KIRREL3: variants seen among roughly 807,000 people sequenced by gnomAD.
KIRREL3 encodes the protein kin of IRRE-like protein 3.
Under a neutral mutation model 89.7 loss-of-function variants are expected in KIRREL3, and 36 were observed. That is an observed-to-expected ratio of 0.40 (90% CI 0.31 to 0.53). The LOEUF is 0.53. Ranked by LOEUF, KIRREL3 falls within the 20% of genes least tolerant of loss-of-function variation. The pLI is 0.49. For synonymous variants in KIRREL3, 445 were observed against 441.4 expected (o/e 1.01, Z -0.10); for missense variants, 864 against 1,056.6 (o/e 0.82, Z 2.53).
At chr11:126,925,228 C>T (rs1330742249) in intron 1 of KIRREL3, among the ~76,000 whole-genome samples, 1 of 152,154 alleles carries the variant, frequency 6.6e-6, no homozygotes, top group Non-Finnish European at 1.5e-5. Flanking sequence ...AGGTTCCCTT[C>T]CCTTCCCCAG....
Position 126,429,205 on chromosome 11 carries a change from C to T in KIRREL3, c.1780G>A (p.Glu594Lys), listed in dbSNP as rs1315682626. 1.2e-6 allele frequency: 2 copies of T among 1,613,272 alleles called. No individual in the cohort carries two copies. Among genetic ancestry groups the T allele is most frequent in the Admixed American group, 3.3e-5 (2 of 60,016 alleles). The change falls in exon 15 of 17, where the codon GAG becomes AAG. Residue 594 changes from glutamate to lysine, a missense_variant. Transcript: ENST00000525144. The surrounding 1 kb of genome is among the most constrained non-coding windows in gnomAD (Gnocchi z 5.2). ...ATCAGCTGCTTGATGGTGGAGTGCT[C>T]CTCACCCTCCCGACCAGAGGCTGGT... Reference protein sequence around the residue: ...KEPASGREGEEHSTIKQLMMD... With the variant: ...KEPASGREGEKHSTIKQLMMD...
chr11:126,494,697 G>C (rs1273227066), intron 4 of KIRREL3, among the ~76,000 whole-genome samples: 2 of 152,330 alleles, frequency 1.3e-5, no homozygotes, highest in East Asian at 3.9e-4. Context: ...CCTGTCCTTG[G>C]TGGGGATAAA....
At position 126,819,405 on chromosome 11, in the gene KIRREL3, A is replaced by G. The variant is rs140916697; in HGVS notation, c.55+181050T>C. 9.5e-4 allele frequency among the ~76,000 whole-genome samples: 145 copies of G among 152,302 alleles called. 2 individuals are homozygous for G. Among genetic ancestry groups the G allele is most frequent in the Non-Finnish European group, 1.0e-3 (69 of 68,022 alleles). ...CTGCTTGTCAAGACAAAACAACATG[A>G]ATATTAATTTCTCAGGCATAATAAG... is the stretch of plus-strand genomic sequence containing the variant. On this transcript the variant is annotated intron_variant, in intron 1 of 16. Coordinates refer to ENST00000525144, the MANE Select transcript of KIRREL3 (RefSeq NM_032531.4).
Position 126,755,571 on chromosome 11 carries a change from A to G in KIRREL3, c.56-192659T>C, listed in dbSNP as rs1949465898. Reference sequence around the variant, plus strand: ...AAACAACAACAACAAAAGAAAAAACAGAAAAAAACAATAGGCCTACAATAG... The same window carrying G: ...AAACAACAACAACAAAAGAAAAAACGGAAAAAAACAATAGGCCTACAATAG... On this transcript the variant is annotated intron_variant, in intron 1 of 16. Coordinates refer to ENST00000525144, the MANE Select transcript of KIRREL3 (RefSeq NM_032531.4). The surrounding 1 kb of genome is among the most constrained non-coding windows in gnomAD (Gnocchi z 4.3). Among the ~76,000 whole-genome samples the G allele has an allele frequency of 6.6e-6, 1 of 152,190 alleles. No homozygotes were observed. The highest frequency in any genetic ancestry group is 2.4e-5 in the African/African-American group (1 of 41,436).
chr11:126,884,530 G>T (rs1342231234), intron 1 of KIRREL3, among the ~76,000 whole-genome samples: 4 of 152,206 alleles, frequency 2.6e-5, no homozygotes, highest in African/African-American at 9.7e-5. Flanking sequence ...AGCTAGGAGA[G>T]GTCTGAGGAA....
At position 126,446,737 on chromosome 11, in the gene KIRREL3, G is replaced by A. The variant is rs571490741; in HGVS notation, c.1125+22C>T. On this transcript the variant is annotated intron_variant, in intron 9 of 16. Transcript: ENST00000525144. ...CCCCGCCCCCTGCCAGAGGTGCCCC[G>A]AGGTCTGAGCTGCAGCCTCACCACT... The A allele has an allele frequency of 4.0e-5, 64 of 1,589,564 alleles. 1 individual carries two copies. The highest frequency in any genetic ancestry group is 2.6e-4 in the South Asian group (23 of 86,964).
At chr11:126,679,292 A>C (rs1368889914) in intron 1 of KIRREL3, among the ~76,000 whole-genome samples, 1 of 152,244 alleles carries the variant, frequency 6.6e-6, no homozygotes, top group African/African-American at 2.4e-5. Context: ...TTAAGCAAAC[A>C]ATATATAGCC....
chr11:126,436,725 G>T, intron 12 of KIRREL3, 86 bp downstream of exon 12: 2 of 1,445,572 alleles, frequency 1.4e-6, no homozygotes, highest in Non-Finnish European at 1.9e-6. Context: ...GGCCCACCTT[G>T]CAGCCACCCG....
rs1168606044 is a variant in KIRREL3, at chr11:126,484,437, T to C, written c.434-10971A>G. On this transcript the variant is annotated intron_variant, in intron 4 of 16. Coordinates refer to ENST00000525144, the MANE Select transcript of KIRREL3 (RefSeq NM_032531.4). This position sits in a 1 kb window ranked among gnomAD's most constrained non-coding sequence, Gnocchi z 5.2. ...ATATCCTTTAATCCTCACAGCTCTA[T>C]ATAAGGTAGATACAATGACGATGCA... Among the ~76,000 whole-genome samples the C allele has an allele frequency of 1.2e-4, 19 of 152,220 alleles. No individual in the cohort carries two copies. Among genetic ancestry groups the C allele is most frequent in the Admixed American group, 1.2e-3 (19 of 15,288 alleles).
At chr11:126,446,396 C>T (rs1955816550) in intron 9 of KIRREL3, among the ~76,000 whole-genome samples, 1 of 150,504 alleles carries the variant, frequency 6.6e-6, no homozygotes, top group Non-Finnish European at 1.5e-5. Flanking sequence ...GACTTAAACT[C>T]TTGAGCTCAT....
intron 4 of KIRREL3, among the ~76,000 whole-genome samples, chr11:126,502,108 GA>G (rs1957884217): frequency 6.6e-6 from 1 of 152,168 alleles, no homozygotes; most frequent in African/African-American, 2.4e-5. Flanking sequence ...AGATACTCCG[GA>G]AGCTAACCGG....
rs899763361 is a variant in KIRREL3 at position 126,773,440 on chromosome 11, C to T, written c.56-210528G>A. On this transcript the variant is annotated intron_variant, in intron 1 of 16. Transcript: ENST00000525144. This position sits in a 1 kb window ranked among gnomAD's most constrained non-coding sequence, Gnocchi z 4.2. ...GTCTCAGGTCTGACAGCCAACCCTG[C>T]AGATTTTGGACTTACCAGTCTCCAT... is the stretch of plus-strand genomic sequence containing the variant. Among the ~76,000 whole-genome samples, 1 of 152,186 alleles carries T rather than the reference C, an allele frequency of 6.6e-6. No individual in the cohort carries two copies.
At chr11:126,818,222 A>G (rs1951647904) in intron 1 of KIRREL3, among the ~76,000 whole-genome samples, 1 of 152,176 alleles carries the variant, frequency 6.6e-6, no homozygotes, top group Admixed American at 6.5e-5. Context: ...ACAGCTGGGG[A>G]AAGGAAAGGC....
At chr11:126,488,123 A>G (rs975227980) in intron 4 of KIRREL3, among the ~76,000 whole-genome samples, 3 of 152,186 alleles carry the variant, frequency 2.0e-5, no homozygotes, top group Non-Finnish European at 4.4e-5. Context: ...TAAGGAGGGG[A>G]CTGTGGGCCT....
At position 126,704,692 on chromosome 11, in the gene KIRREL3, G is replaced by A. The variant is rs756761739; in HGVS notation, c.56-141780C>T. Among the ~76,000 whole-genome samples the A allele has an allele frequency of 1.3e-5, 2 of 152,220 alleles. No homozygotes were observed. Among genetic ancestry groups the A allele is most frequent in the Non-Finnish European group, 2.9e-5 (2 of 68,044 alleles). ...TGAGGAAGTCTGAGTCTCTCCTGAT[G>A]CCCACGCTTCCAGGATGGCTCCTGG... On this transcript the variant is annotated intron_variant, in intron 1 of 16. Transcript: ENST00000525144. The surrounding 1 kb of genome is among the most constrained non-coding windows in gnomAD (Gnocchi z 4.2).
intron 1 of KIRREL3, among the ~76,000 whole-genome samples, chr11:126,621,626 A>AT (rs1352647039): frequency 2.0e-5 from 3 of 151,956 alleles, no homozygotes; most frequent in Non-Finnish European, 1.5e-5. Flanking sequence ...CCTAATGTGC[A>AT]TTTTTTTTAA....
At position 126,486,900 on chromosome 11, in the gene KIRREL3, T is replaced by G. The variant is rs1957377604; in HGVS notation, c.434-13434A>C. 6.6e-6 allele frequency among the ~76,000 whole-genome samples: 1 copy of G among 152,188 alleles called. No individual in the cohort carries two copies. Reference sequence around the variant, plus strand: ...AGGCAGGGACTTGGAGTGTCCCCGCTGGTCCCATAAATAGAAGCAGAACTG... The same window carrying G: ...AGGCAGGGACTTGGAGTGTCCCCGCGGGTCCCATAAATAGAAGCAGAACTG... On this transcript the variant is annotated intron_variant, in intron 4 of 16. Coordinates refer to ENST00000525144, the MANE Select transcript of KIRREL3 (RefSeq NM_032531.4). This position sits in a 1 kb window ranked among gnomAD's most constrained non-coding sequence, Gnocchi z 6.2.
In KIRREL3 at chr11:126,522,214, A is replaced by G. The variant is rs1335046635; in HGVS notation, c.284-750T>C. ...CTACCAAGCAGACATGCATTTTGAT[A>G]AGATAGAGAGGAGAGAGAGAGAGAC... On this transcript the variant is annotated intron_variant, in intron 3 of 16. Coordinates refer to ENST00000525144, the MANE Select transcript of KIRREL3 (RefSeq NM_032531.4). This position sits in a 1 kb window ranked among gnomAD's most constrained non-coding sequence, Gnocchi z 6.0. Among the ~76,000 whole-genome samples the G allele has an allele frequency of 6.6e-6, 1 of 152,130 alleles. No homozygotes were observed. The highest frequency in any genetic ancestry group is 1.5e-5 in the Non-Finnish European group (1 of 68,030).
chr11:126,506,051 G>A (rs182459230), intron 4 of KIRREL3, among the ~76,000 whole-genome samples: 22 of 152,196 alleles, frequency 1.4e-4, no homozygotes, highest in South Asian at 4.1e-4. Context: ...AAATGATGTC[G>A]GAACAATTGG....
Sources: gnomAD v4.1 joint callset for allele counts (sites outside exome capture counted in the v4.1 genomes callset) on GRCh38, gnomAD v4.1.1 for gene constraint, Gnocchi (gnomAD v3.1) non-coding constraint, MANE v1.5 for transcripts, NCBI Gene and HGNC (gene_info 2026-07-23, HGNC 2026-07-21) for gene names.